The following GABRA1 variants were observed in gnomAD, a reference collection of about 807,000 sequenced individuals.
GABRA1 encodes gamma-aminobutyric acid receptor subunit alpha-1.
In GABRA1, 9 loss-of-function variants were observed where a neutral mutation model predicts 48.9. That is an observed-to-expected ratio of 0.18 (90% CI 0.11 to 0.32). The LOEUF (loss-of-function observed/expected upper bound fraction) is 0.32. Ranked by LOEUF, GABRA1 falls within the 10% of genes least tolerant of loss-of-function variation. GABRA1 has a pLI of 1.00. For missense variants in GABRA1, 285 were observed against 553.8 expected (o/e 0.51, Z 4.87); for synonymous variants, 210 against 198.7 (o/e 1.06, Z -0.48).
At chr5:161,853,696 C>A (rs889719328) in intron 2 of GABRA1, 1 of 153,600 alleles carries the variant, frequency 6.5e-6, no homozygotes, top group South Asian at 2.0e-4. Flanking sequence ...AAAACACAGA[C>A]CTATATGAAG....
chr5:161,851,518 A>G (rs1237633292), intron 2 of GABRA1, among the ~76,000 whole-genome samples: 2 of 152,182 alleles, frequency 1.3e-5, no homozygotes, highest in Admixed American at 1.3e-4. Context: ...CCAATCAAGC[A>G]TGTGAAATTA....
intron 7 of GABRA1, among the ~76,000 whole-genome samples, chr5:161,884,363 A>G (rs13156895): frequency 0.048 from 7,381 of 152,218 alleles, 385 homozygotes; most frequent in Admixed American, 0.16. Flanking sequence ...TGAAGTCTAA[A>G]AGAAATTGAA....
intron 8 of GABRA1, among the ~76,000 whole-genome samples, chr5:161,893,608 A>C (rs1254501806): frequency 1.3e-5 from 2 of 152,198 alleles, no homozygotes; most frequent in Non-Finnish European, 2.9e-5. Flanking sequence ...GTGCCTTAGA[A>C]GACCATATTC....
chr5:161,853,033 G>T (rs571246731), intron 2 of GABRA1, among the ~76,000 whole-genome samples: 1 of 151,774 alleles, frequency 6.6e-6, no homozygotes, highest in Non-Finnish European at 1.5e-5. Context: ...TATATTTGTG[G>T]CAGTTTCTTA....
intron 7 of GABRA1, among the ~76,000 whole-genome samples, chr5:161,887,799 T>A (rs974672301): frequency 6.6e-6 from 1 of 152,120 alleles, no homozygotes. Context: ...ACTGTAAATG[T>A]CCATAGAAAT....
In GABRA1 at chr5:161,878,871, T is replaced by C. The variant is rs571052462; in HGVS notation, c.559+3229T>C. On this transcript the variant is annotated intron_variant, in intron 6 of 9. Transcript: ENST00000393943. ...CTTTTGGCTAATTATCAAAAAACAA[T>C]GCATTGCAAACACACTGAGAGGAAT... 3.3e-5 allele frequency among the ~76,000 whole-genome samples: 5 copies of C among 152,222 alleles called. No individual in the cohort carries two copies. In the East Asian group the frequency reaches 9.7e-4, roughly 29 times the overall value.
rs541233129 is a variant in GABRA1 at position 161,872,610 on chromosome 5, A to G, written c.256-507A>G. On this transcript the variant is annotated intron_variant, in intron 4 of 9. Coordinates refer to ENST00000393943, the MANE Select transcript of GABRA1 (RefSeq NM_001127644.2). ...AAAAAATGTTTATTTCGCCAAAAAA[A>G]GATGGAATTTTTACATCCATATTGG... Among the ~76,000 whole-genome samples, 12 of 152,310 alleles carry G rather than the reference A, an allele frequency of 7.9e-5. No individual in the cohort carries two copies. In the South Asian group the frequency reaches 2.3e-3, roughly 29 times the overall value.
rs544915347 is a variant in GABRA1 at position 161,867,059 on chromosome 5, A to G, written c.255+1271A>G. On this transcript the variant is annotated intron_variant, in intron 4 of 9. Coordinates refer to ENST00000393943, the MANE Select transcript of GABRA1 (RefSeq NM_001127644.2). Reference sequence around the variant, plus strand: ...TGCCACTTAACAAATTTTAGCCATTACTAATATGCAAGAAATATAATATGA... The same window carrying G: ...TGCCACTTAACAAATTTTAGCCATTGCTAATATGCAAGAAATATAATATGA... Among the ~76,000 whole-genome samples the G allele has an allele frequency of 3.3e-5, 5 of 152,286 alleles. No individual in the cohort carries two copies. In the South Asian group the frequency reaches 1.0e-3, roughly 32 times the overall value.
intron 3 of GABRA1, among the ~76,000 whole-genome samples, chr5:161,861,987 C>A (rs1256733359): frequency 6.6e-6 from 1 of 151,936 alleles, no homozygotes; most frequent in Non-Finnish European, 1.5e-5. Context: ...AGTTCCTCAG[C>A]AGACAGCATT....
At chr5:161,895,896 C>T (rs756034936) in intron 9 of GABRA1, 28 bp downstream of exon 9, 27 of 1,557,354 alleles carry the variant, frequency 1.7e-5, no homozygotes, top group Admixed American at 5.0e-5. Flanking sequence ...CACTGTAGTA[C>T]ATCAATATTA....
chr5:161,894,984 G>C (rs1184564942), intron 8 of GABRA1, among the ~76,000 whole-genome samples: 2 of 151,950 alleles, frequency 1.3e-5, no homozygotes, highest in Admixed American at 1.3e-4. Context: ...TCTTAGCTGT[G>C]TATTCTCTAG....
chr5:161,858,367 C>T (rs1273763926), intron 3 of GABRA1, among the ~76,000 whole-genome samples: 1 of 151,608 alleles, frequency 6.6e-6, no homozygotes, highest in Non-Finnish European at 1.5e-5. Context: ...GGGCATAGGA[C>T]AAAAATAATC....
At chr5:161,866,071 G>A (rs1753827210) in intron 4 of GABRA1, among the ~76,000 whole-genome samples, 1 of 151,918 alleles carries the variant, frequency 6.6e-6, no homozygotes, top group African/African-American at 2.4e-5. Context: ...TACCCCACAA[G>A]CCATACAGTA....
intron 7 of GABRA1, among the ~76,000 whole-genome samples, chr5:161,887,975 G>A (rs1754922116): frequency 6.6e-6 from 1 of 152,072 alleles, no homozygotes; most frequent in Admixed American, 6.6e-5. Flanking sequence ...ATTTGAGAAG[G>A]CAAAGATTGA....
At chr5:161,856,244 T>C (rs1372802139) in intron 3 of GABRA1, among the ~76,000 whole-genome samples, 1 of 151,368 alleles carries the variant, frequency 6.6e-6, no homozygotes, top group Non-Finnish European at 1.5e-5. Flanking sequence ...TACTGGTAGA[T>C]TTGCTTACAG....
At chr5:161,887,418 T>C (rs1754897486) in intron 7 of GABRA1, among the ~76,000 whole-genome samples, 1 of 152,074 alleles carries the variant, frequency 6.6e-6, no homozygotes, top group South Asian at 2.1e-4. Context: ...AGAGAAATAA[T>C]TATAACTATA....
intron 5 of GABRA1, among the ~76,000 whole-genome samples, chr5:161,874,715 T>C (rs896817464): frequency 6.6e-6 from 1 of 152,174 alleles, no homozygotes; most frequent in African/African-American, 2.4e-5. Flanking sequence ...GGTATTCTAA[T>C]CATTTAATGA....
intron 7 of GABRA1, among the ~76,000 whole-genome samples, chr5:161,885,509 C>A (rs916054291): frequency 2.6e-5 from 4 of 152,132 alleles, no homozygotes; most frequent in African/African-American, 7.2e-5. Context: ...TTAGAAAGTG[C>A]TACTTACCTG....
chr5:161,854,548 A>G (rs1016426898), intron 3 of GABRA1, among the ~76,000 whole-genome samples: 3 of 151,750 alleles, frequency 2.0e-5, no homozygotes, highest in Non-Finnish European at 4.4e-5. Flanking sequence ...TTTATCATAT[A>G]GGTAAAAACT....
Sources: allele counts gnomAD v4.1 joint callset (sites outside exome capture counted in the v4.1 genomes callset), GRCh38; gene constraint gnomAD v4.1.1; transcripts MANE v1.5; gene names NCBI Gene and HGNC (gene_info 2026-07-23, HGNC 2026-07-21).